The following PUM2 variants were observed in gnomAD, a reference collection of about 807,000 sequenced individuals.
PUM2 encodes the protein pumilio homolog 2.
In PUM2, 57 loss-of-function variants were observed where a neutral mutation model predicts 124.5. The observed-to-expected ratio is 0.46, with a 90% CI of 0.37 to 0.57. The LOEUF (loss-of-function observed/expected upper bound fraction) is 0.57. Ranked by LOEUF, PUM2 falls within the 20% of genes least tolerant of loss-of-function variation. The pLI is 0.00. For synonymous variants in PUM2, 460 were observed against 446.1 expected (o/e 1.03, Z -0.39); for missense variants, 1,065 against 1,290.6 (o/e 0.83, Z 2.68).
At chr2:20,349,238 A>G (rs1688836739) in intron 1 of PUM2, among the ~76,000 whole-genome samples, 1 of 152,252 alleles carries the variant, frequency 6.6e-6, no homozygotes, top group Non-Finnish European at 1.5e-5. Context: ...CTAGACCTGT[A>G]AACAAAATTT....
At chr2:20,278,562 G>A (rs1202626790) in intron 13 of PUM2, 21 bp downstream of exon 13, 1 of 1,540,180 alleles carries the variant, frequency 6.5e-7, no homozygotes, top group Admixed American at 1.7e-5. Context: ...CAAATAAAAA[G>A]GGTTTTGGTT....
chr2:20,349,013 T>A (rs984138087), intron 1 of PUM2, among the ~76,000 whole-genome samples: 1 of 152,234 alleles, frequency 6.6e-6, no homozygotes, highest in Non-Finnish European at 1.5e-5. Context: ...TTATATACAG[T>A]ATTTGTAATG....
intron 7 of PUM2, among the ~76,000 whole-genome samples, chr2:20,300,787 G>GAAA (rs200897444): frequency 4.9e-5 from 3 of 61,450 alleles, no homozygotes; most frequent in African/African-American, 1.1e-4. Flanking sequence ...GATTGAAAGA[G>GAAA]AAAAAAAAAA....
chr2:20,294,495 A>G lies in PUM2; in HGVS notation c.1033T>C (p.Tyr345His). 1 of 1,614,054 alleles carries G rather than the reference A, an allele frequency of 6.2e-7. No homozygotes were observed. Reference protein sequence around the residue: ...LAGPAVVPPQYYGVPWGVYPA... With the variant: ...LAGPAVVPPQHYGVPWGVYPA... The stretch of plus-strand genomic sequence containing the variant: ...TACACCCCCCATGGAACGCCGTAAT[A>G]CTGAGGTGGAACCACTGCTGGACCT... Residue 345 changes from tyrosine to histidine, a missense_variant, in exon 9 of 21, where the codon TAT becomes CAT. By Grantham distance (83) the Tyr-to-His change is moderately conservative (BLOSUM62 2). Transcript: ENST00000361078.
At chr2:20,345,930 C>G (rs1053273743) in intron 1 of PUM2, among the ~76,000 whole-genome samples, 1 of 152,200 alleles carries the variant, frequency 6.6e-6, no homozygotes, top group African/African-American at 2.4e-5. Flanking sequence ...AATATTCAGA[C>G]TACAAATGGA....
At chr2:20,322,944 A>G (rs920212466) in intron 2 of PUM2, among the ~76,000 whole-genome samples, 1 of 152,212 alleles carries the variant, frequency 6.6e-6, no homozygotes, top group Non-Finnish European at 1.5e-5. Context: ...AAAGATATTA[A>G]CACTTTCATT....
intron 8 of PUM2, among the ~76,000 whole-genome samples, chr2:20,295,813 T>C (rs1007116245): frequency 6.6e-6 from 1 of 152,224 alleles, no homozygotes; most frequent in Non-Finnish European, 1.5e-5. Context: ...TTAAAGAGTA[T>C]TATTGAAATT....
At chr2:20,255,029 A>AG in intron 18 of PUM2, 45 bp from the exon 19 acceptor site, 1 of 1,569,860 alleles carries the variant, frequency 6.4e-7, no homozygotes, top group Non-Finnish European at 8.7e-7. Context: ...TCATTCCTTA[A>AG]GAATGATATT....
chr2:20,323,945 A>G (rs1683044529), intron 2 of PUM2, among the ~76,000 whole-genome samples: 2 of 147,290 alleles, frequency 1.4e-5, no homozygotes, highest in South Asian at 2.1e-4. Context: ...AAAATCCAGT[A>G]TCAGATCACC....
chr2:20,279,214 T>C (rs954972423), intron 12 of PUM2, among the ~76,000 whole-genome samples: 3 of 151,940 alleles, frequency 2.0e-5, no homozygotes, highest in Non-Finnish European at 4.4e-5. Context: ...ACCTGCTTCT[T>C]AGACTTTAAC....
chr2:20,252,236 T>C (rs1348944664), intron 20 of PUM2, among the ~76,000 whole-genome samples: 2 of 152,122 alleles, frequency 1.3e-5, no homozygotes, highest in Admixed American at 6.6e-5. Context: ...CTGGGCAACA[T>C]AGCGAGACCG....
chr2:20,335,250 T>C (rs531126751), intron 1 of PUM2, among the ~76,000 whole-genome samples: 162 of 152,340 alleles, frequency 1.1e-3, no homozygotes, highest in Non-Finnish European at 1.4e-3. Context: ...AACATAATCA[T>C]TGAACATCCG....
intron 10 of PUM2, among the ~76,000 whole-genome samples, chr2:20,290,032 G>T (rs981801867): frequency 6.6e-6 from 1 of 151,960 alleles, no homozygotes; most frequent in African/African-American, 2.4e-5. Flanking sequence ...GAAAACAACC[G>T]TTCTTCCTCC....
intron 13 of PUM2, among the ~76,000 whole-genome samples, chr2:20,268,264 T>C (rs946629472): frequency 3.3e-5 from 5 of 152,192 alleles, no homozygotes; most frequent in Admixed American, 2.0e-4. Flanking sequence ...AGAATAAAAA[T>C]AATTTAATTC....
At chr2:20,299,312 C>T (rs1336852746) in intron 7 of PUM2, among the ~76,000 whole-genome samples, 1 of 151,914 alleles carries the variant, frequency 6.6e-6, no homozygotes, top group East Asian at 1.9e-4. Flanking sequence ...TGGAGAAAAC[C>T]GCCCACACAT....
At chr2:20,319,030 A>G (rs1279960203) in intron 2 of PUM2, among the ~76,000 whole-genome samples, 4 of 152,188 alleles carry the variant, frequency 2.6e-5, no homozygotes, top group African/African-American at 9.7e-5. Context: ...ACCACCTCCT[A>G]TCATATCTTC....
rs1224355969 is a variant in PUM2, at chr2:20,290,788, A to T, written c.1155T>A (p.Val385=). The stretch of plus-strand genomic sequence containing the variant: ...GACGCTGACCTGCTCCAGCACGGAG[A>T]ACCTACAAAGGTAAAATGATTTTCT... The part of the protein sequence containing the change: ...ASQAQPGQQQ[V]LRAGAGQRPL... Residue 385 remains valine (V), a splice_region_variant and synonymous_variant, in exon 10 of 21, where the codon GTT becomes GTA. Coordinates refer to ENST00000361078, the MANE Select transcript of PUM2 (RefSeq NM_015317.5). 2 of 1,579,496 alleles carry T rather than the reference A, an allele frequency of 1.3e-6. No individual in the cohort carries two copies. The highest frequency in any genetic ancestry group is 8.6e-7 in the Non-Finnish European group (1 of 1,167,926).
At chr2:20,265,798 A>G (rs955200122) in intron 13 of PUM2, among the ~76,000 whole-genome samples, 1 of 152,192 alleles carries the variant, frequency 6.6e-6, no homozygotes, top group Non-Finnish European at 1.5e-5. Context: ...CAAATTTCTT[A>G]GTAGTACCCT....
At position 20,338,119 on chromosome 2, in the gene PUM2, A is replaced by G. The variant is rs150789248; in HGVS notation, c.-18-10741T>C. ...AATGCCAATTACGCTACTCTCTAAA[A>G]GACGTGGTGGCTCACGCCTGTAATC... On this transcript the variant is annotated intron_variant, in intron 1 of 20. Transcript: ENST00000361078. Among the ~76,000 whole-genome samples the G allele has an allele frequency of 6.8e-4, 103 of 152,298 alleles. No homozygotes were observed. The East Asian group carries it at 0.018, about 27-fold the overall frequency.
Sources: allele counts gnomAD v4.1 joint callset (sites outside exome capture counted in the v4.1 genomes callset), GRCh38; gene constraint gnomAD v4.1.1; transcripts MANE v1.5; gene names NCBI Gene and HGNC (gene_info 2026-07-23, HGNC 2026-07-21).